NFXL1: variants seen among roughly 807,000 people sequenced by gnomAD.
The protein encoded by NFXL1 is NF-X1-type zinc finger protein NFXL1.
Under a neutral mutation model 123.3 loss-of-function variants are expected in NFXL1, and 66 were observed. The observed-to-expected ratio is 0.54, with a 90% CI of 0.44 to 0.66. The LOEUF (loss-of-function observed/expected upper bound fraction) is 0.66. Among genes scored for constraint, NFXL1 ranks in the 30% least tolerant of loss-of-function variants. The pLI, the probability that NFXL1 is intolerant of heterozygous loss-of-function variation, is 0.00. For missense variants in NFXL1, 944 were observed against 1,125.6 expected, an observed-to-expected ratio of 0.84 and a Z score of 2.31; for synonymous variants, 346 against 360.8, an observed-to-expected ratio of 0.96 and a Z score of 0.46.
At chr4:47,852,197 G>C (rs1294752164) in intron 20 of NFXL1, 24 of 378,624 alleles carry the variant, frequency 6.3e-5, no homozygotes, top group Non-Finnish European at 9.9e-5. Flanking sequence ...GCCACTATTG[G>C]ACTTAGCTCC....
At chr4:47,861,232 G>A (rs576626118) in intron 19 of NFXL1, among the ~76,000 whole-genome samples, 1 of 152,232 alleles carries the variant, frequency 6.6e-6, no homozygotes, top group East Asian at 1.9e-4. Flanking sequence ...TACTGTTATG[G>A]TGTCACCAAC....
At chr4:47,904,114 G>C (rs1578040220) in intron 4 of NFXL1, among the ~76,000 whole-genome samples, 1 of 152,256 alleles carries the variant, frequency 6.6e-6, no homozygotes, top group South Asian at 2.1e-4. Flanking sequence ...CAGGAGTAAG[G>C]GGACTAGACA....
At chr4:47,851,835 T>A in intron 21 of NFXL1, 21 bp downstream of exon 21, 1 of 1,480,732 alleles carries the variant, frequency 6.8e-7, no homozygotes, top group Non-Finnish European at 9.4e-7. Flanking sequence ...GTCTTTAAAA[T>A]GATATTTAAC....
chr4:47,871,480 C>T (rs1474725732), intron 18 of NFXL1, among the ~76,000 whole-genome samples: 2 of 152,146 alleles, frequency 1.3e-5, no homozygotes, highest in African/African-American at 4.8e-5. Flanking sequence ...AGCATCTGGG[C>T]ACACATGCAC....
intron 18 of NFXL1, among the ~76,000 whole-genome samples, chr4:47,870,907 T>C (rs1386712355): frequency 1.3e-5 from 2 of 152,106 alleles, no homozygotes; most frequent in African/African-American, 4.8e-5. Flanking sequence ...GACACTCCCA[T>C]GGGCCTTTGA....
intron 18 of NFXL1, among the ~76,000 whole-genome samples, chr4:47,869,402 A>G (rs915471119): frequency 6.6e-6 from 1 of 152,188 alleles, no homozygotes; most frequent in Non-Finnish European, 1.5e-5. Context: ...ACAAAAATTG[A>G]TCACCTTATT....
rs201262276 is a variant in NFXL1 at position 47,910,828 on chromosome 4, C to G, written c.402G>C (p.Gln134His). ...CAAAATTTAAAAGATCAGTACCTGT[C>G]TGAGTAGTGTATGTTATAAACGTAT... is the stretch of plus-strand genomic sequence containing the variant. ...LANTFITYTT[Q>H]TDGDTRELER... The change falls in exon 3 of 23, where the codon CAG becomes CAC. Residue 134 changes from glutamine to histidine, a missense_variant. This residue lies in a region of NFXL1 where 303 missense variants were observed against 292.1 expected (regional missense o/e 1.04). Coordinates refer to ENST00000507489, the MANE Select transcript of NFXL1 (RefSeq NM_001278624.2). 9.6e-6 allele frequency: 15 copies of G among 1,569,216 alleles called. No individual in the cohort carries two copies. The East Asian group carries it at 3.4e-4, about 36-fold the overall frequency.
chr4:47,898,884 A>G, intron 7 of NFXL1, 27 bp from the exon 8 acceptor site: 1 of 1,610,628 alleles, frequency 6.2e-7, no homozygotes, highest in Non-Finnish European at 8.5e-7. Flanking sequence ...AAATTAGCAC[A>G]GAAACATAAA....
chr4:47,859,492 A>G (rs1289115823), intron 19 of NFXL1, among the ~76,000 whole-genome samples: 1 of 152,176 alleles, frequency 6.6e-6, no homozygotes, highest in Non-Finnish European at 1.5e-5. Context: ...TTCCCAAGTA[A>G]AAAGTAGAAA....
At chr4:47,900,758 T>G (rs1465988968) in intron 5 of NFXL1, among the ~76,000 whole-genome samples, 1 of 152,250 alleles carries the variant, frequency 6.6e-6, no homozygotes, top group Non-Finnish European at 1.5e-5. Flanking sequence ...TTTAAATTTC[T>G]TTTGTATCAT....
Position 47,885,570 on chromosome 4 carries a change from T to A in NFXL1, c.1752A>T (p.Lys584Asn). The part of the protein sequence containing the change: ...SCPPCHQPCQ[K>N]VLEKCGHLCP... The stretch of plus-strand genomic sequence containing the variant: ...ACAAGTGACCACATTTCTCCAAAAC[T>A]TTTTGGCAAGGTTGATGACATGGTG... The change falls in exon 14 of 23, where the codon AAA becomes AAT. Residue 584 changes from lysine (K) to asparagine (N), a missense_variant. By Grantham distance (94) the Lys-to-Asn change is moderately conservative (BLOSUM62 0). Coordinates refer to ENST00000507489, the MANE Select transcript of NFXL1 (RefSeq NM_001278624.2). 6.2e-7 allele frequency: 1 copy of A among 1,613,966 alleles called. No individual in the cohort carries two copies. The highest frequency in any genetic ancestry group is 2.2e-5 in the East Asian group (1 of 44,876).
chr4:47,900,274 A>G (rs1737304540), intron 5 of NFXL1, among the ~76,000 whole-genome samples: 1 of 152,132 alleles, frequency 6.6e-6, no homozygotes, highest in African/African-American at 2.4e-5. Context: ...TAGTGGCGCA[A>G]TCTCGGCTCA....
intron 18 of NFXL1, among the ~76,000 whole-genome samples, chr4:47,866,813 C>CT (rs1560585227): frequency 6.6e-6 from 1 of 152,206 alleles, no homozygotes; most frequent in East Asian, 1.9e-4. Context: ...TGCTTTCCCT[C>CT]TTGAGAGCCC....
At position 47,847,619 on chromosome 4, in the gene NFXL1, C is replaced by T. The variant is rs1733884533; in HGVS notation, c.*544G>A. On this transcript the variant is annotated 3_prime_UTR_variant, in exon 23 of 23. Transcript: ENST00000507489. Reference sequence around the variant, plus strand: ...AACTATATATTCTGAAGAACACGCCCCATGACATTTATTGATAAAAATTCC... The same window carrying T: ...AACTATATATTCTGAAGAACACGCCTCATGACATTTATTGATAAAAATTCC... 2.6e-5 allele frequency: 4 copies of T among 152,650 alleles called. No homozygotes were observed. Among genetic ancestry groups the T allele is most frequent in the Admixed American group, 2.6e-4 (4 of 15,296 alleles). 9.5% of individuals were successfully genotyped at this position (152,650 alleles called of 1,614,324 possible). A position where few individuals can be genotyped will look rare whatever the true frequency, so the allele number is the denominator to read the frequency against.
At chr4:47,874,632 C>T (rs549599756) in intron 18 of NFXL1, among the ~76,000 whole-genome samples, 20 of 152,140 alleles carry the variant, frequency 1.3e-4, no homozygotes, top group African/African-American at 4.1e-4. Flanking sequence ...TGAGAATTAT[C>T]GAAATGTGAC....
In NFXL1 at chr4:47,851,839, A is replaced by G; in HGVS notation, c.2508+17T>C. 1 of 1,516,098 alleles carries G rather than the reference A, an allele frequency of 6.6e-7. No homozygotes were observed. The highest frequency in any genetic ancestry group is 1.1e-5 in the South Asian group (1 of 88,234). The allele number at this position is 1,516,098 out of a possible 1,614,324, so 93.9% of individuals were successfully genotyped here. A position where few individuals can be genotyped will look rare whatever the true frequency, so the allele number is the denominator to read the frequency against. ...AAAGGCCACTAGTCTTTAAAATGATATTTAACGAGACATTACCTCAGATGC... is the reference window on the plus strand; with the variant it reads ...AAAGGCCACTAGTCTTTAAAATGATGTTTAACGAGACATTACCTCAGATGC... On this transcript the variant is annotated intron_variant, in intron 21 of 22. Coordinates refer to ENST00000507489, the MANE Select transcript of NFXL1 (RefSeq NM_001278624.2).
rs534858277 is a variant in NFXL1 at position 47,884,210 on chromosome 4, G to A, written c.1916+136C>T. ...TTTGAAAAGAATGAAGGTTAAGACAGACACACTAGTTGATAGGCTAGGCCT... is the reference window on the plus strand; with the variant it reads ...TTTGAAAAGAATGAAGGTTAAGACAAACACACTAGTTGATAGGCTAGGCCT... On this transcript the variant is annotated intron_variant, in intron 15 of 22. Transcript: ENST00000507489. 3.3e-4 allele frequency: 175 copies of A among 528,416 alleles called. No individual in the cohort carries two copies. The South Asian group carries it at 5.0e-3, about 15-fold the overall frequency. The allele number at this position is 528,416 out of a possible 1,614,324, so 32.7% of individuals were successfully genotyped here.
chr4:47,899,298 AT>A (rs57320509), intron 6 of NFXL1, 71 bp downstream of exon 6: 41,603 of 1,032,776 alleles, frequency 0.04, 480 homozygotes, highest in African/African-American at 0.14. Flanking sequence ...AACTTTTACA[AT>A]TTTTTTTTTT....
intron 18 of NFXL1, among the ~76,000 whole-genome samples, chr4:47,868,867 CAT>C (rs1254800561): frequency 3.9e-5 from 6 of 152,176 alleles, no homozygotes; most frequent in Non-Finnish European, 7.3e-5. Flanking sequence ...TTCTGTATGA[CAT>C]ATAACAGCTT....
Sources: allele counts gnomAD v4.1 joint callset (sites outside exome capture counted in the v4.1 genomes callset), GRCh38; gene constraint gnomAD v4.1.1; regional missense constraint gnomAD v4.1.1; transcripts MANE v1.5; gene names NCBI Gene and HGNC (gene_info 2026-07-23, HGNC 2026-07-21).